PPP4R4: variants seen among roughly 807,000 people sequenced by gnomAD.
PPP4R4 encodes the protein protein phosphatase 4 regulatory subunit 4.
PPP4R4 carries 70 observed loss-of-function variants against 121.8 expected under a neutral mutation model. The observed-to-expected ratio is 0.57, with a 90% CI of 0.47 to 0.70. PPP4R4 has a LOEUF of 0.70. Ranked by LOEUF, PPP4R4 falls within the 30% of genes least tolerant of loss-of-function variation. The pLI is 0.00. For synonymous variants in PPP4R4, 348 were observed against 355.7 expected, an observed-to-expected ratio of 0.98 and a Z score of 0.24; for missense variants, 875 against 1,033.6, an observed-to-expected ratio of 0.85 and a Z score of 2.10.
intron 23 of PPP4R4, among the ~76,000 whole-genome samples, chr14:94,270,102 C>T (rs767738399): frequency 1.3e-5 from 2 of 152,018 alleles, no homozygotes; most frequent in Non-Finnish European, 2.9e-5. Flanking sequence ...CAAAACTGTT[C>T]TGAAAAAGAC....
chr14:94,256,593 A>G lies in PPP4R4; in HGVS notation c.1999A>G (p.Ile667Val), dbSNP rs1483005687. The stretch of plus-strand genomic sequence containing the variant: ...AGAAAAAGATAAAGATGTTCTGGCT[A>G]TTGTAAAAAGAGTAAGTATCACTCT... The part of the protein sequence containing the change: ...CQEKDKDVLA[I>V]VKRTVLELDR... Residue 667 changes from isoleucine to valine, a missense_variant, in exon 17 of 25, where the codon ATT becomes GTT. Physicochemically the swap from Ile to Val is conservative, Grantham distance 29. Coordinates refer to ENST00000304338, the MANE Select transcript of PPP4R4 (RefSeq NM_058237.2). The G allele has an allele frequency of 3.1e-6, 5 of 1,604,476 alleles. No homozygotes were observed. Among genetic ancestry groups the G allele is most frequent in the African/African-American group, 2.7e-5 (2 of 74,734 alleles).
intron 22 of PPP4R4, 122 bp downstream of exon 22, chr14:94,266,009 T>C: frequency 1.5e-6 from 1 of 650,912 alleles, no homozygotes; most frequent in Non-Finnish European, 2.5e-6. Context: ...TAGGCCAGTA[T>C]TTTGTGAGTG....
In PPP4R4 at chr14:94,259,285, C is replaced by T. The variant is rs1171502577; in HGVS notation, c.2053-10C>T. On this transcript the variant is annotated splice_polypyrimidine_tract_variant and intron_variant, in intron 18 of 24. Coordinates refer to ENST00000304338, the MANE Select transcript of PPP4R4 (RefSeq NM_058237.2). ...TAATGTTTCACAATTTCATTTTAAA[C>T]TTTAAACAGTTTCAGAAAAAGTTTT... The T allele has an allele frequency of 6.3e-7, 1 of 1,598,386 alleles. No individual in the cohort carries two copies. Among genetic ancestry groups the T allele is most frequent in the African/African-American group, 1.4e-5 (1 of 74,034 alleles).
At chr14:94,261,830 A>G (rs755698213) in intron 19 of PPP4R4, among the ~76,000 whole-genome samples, 7 of 151,996 alleles carry the variant, frequency 4.6e-5, no homozygotes, top group Admixed American at 2.6e-4. Context: ...TCATTCTGCT[A>G]ATATACTGAA....
intron 19 of PPP4R4, among the ~76,000 whole-genome samples, chr14:94,262,736 A>T (rs1280732706): frequency 6.6e-6 from 1 of 152,048 alleles, no homozygotes; most frequent in Non-Finnish European, 1.5e-5. Flanking sequence ...TAAGATCTAA[A>T]TTTCCCTCTG....
Position 94,249,882 on chromosome 14 carries a change from G to A in PPP4R4, c.1612-290G>A, listed in dbSNP as rs150337079. Among the ~76,000 whole-genome samples the A allele has an allele frequency of 9.8e-3, 1,494 of 152,122 alleles. 12 individuals are homozygous for A. The highest frequency in any genetic ancestry group is 0.027 in the South Asian group (128 of 4,816). On this transcript the variant is annotated intron_variant, in intron 14 of 24. Coordinates refer to ENST00000304338, the MANE Select transcript of PPP4R4 (RefSeq NM_058237.2). ...CCAGGGAACAGCTAAAAGAATAGGT[G>A]GCAGGGGTGTATTTGATCATGTAAG...
chr14:94,263,067 G>A (rs1423504991), intron 19 of PPP4R4, among the ~76,000 whole-genome samples: 1 of 151,836 alleles, frequency 6.6e-6, no homozygotes, highest in African/African-American at 2.4e-5. Context: ...TTTGTTTTTA[G>A]CAGCTTACTT....
chr14:94,215,210 A>G (rs1450509089), intron 3 of PPP4R4, among the ~76,000 whole-genome samples: 1 of 152,196 alleles, frequency 6.6e-6, no homozygotes, highest in Non-Finnish European at 1.5e-5. Flanking sequence ...ATTTATACTC[A>G]TTTTACAGTT....
chr14:94,240,832 A>T, intron 9 of PPP4R4, 37 bp downstream of exon 9: 2 of 1,454,034 alleles, frequency 1.4e-6, no homozygotes, highest in Non-Finnish European at 1.8e-6. Context: ...ACTGTAGATA[A>T]TTTTTCCCTT....
chr14:94,191,952 A>G (rs898339729), intron 2 of PPP4R4, among the ~76,000 whole-genome samples: 1 of 152,104 alleles, frequency 6.6e-6, no homozygotes, highest in Non-Finnish European at 1.5e-5. Flanking sequence ...ACTAGCTCTA[A>G]TCTTTACTAG....
intron 1 of PPP4R4, among the ~76,000 whole-genome samples, chr14:94,175,218 C>T (rs544869209): frequency 6.6e-6 from 1 of 151,796 alleles, no homozygotes; most frequent in Admixed American, 6.5e-5. Context: ...GTAGCCCGGC[C>T]TCCCCTCGCT....
At chr14:94,227,093 C>T (rs1392795975) in intron 3 of PPP4R4, among the ~76,000 whole-genome samples, 1 of 152,202 alleles carries the variant, frequency 6.6e-6, no homozygotes. Context: ...GACGTGTCTA[C>T]TGCACTTTCC....
intron 23 of PPP4R4, among the ~76,000 whole-genome samples, chr14:94,273,113 A>G (rs149308825): frequency 6.6e-6 from 1 of 152,316 alleles, no homozygotes; most frequent in Non-Finnish European, 1.5e-5. Flanking sequence ...TTCTTACCAT[A>G]TGATCTAGCA....
chr14:94,198,896 G>A (rs1481250070), intron 2 of PPP4R4, among the ~76,000 whole-genome samples: 1 of 152,142 alleles, frequency 6.6e-6, no homozygotes, highest in Non-Finnish European at 1.5e-5. Flanking sequence ...AGTATTGCAC[G>A]ACATTGTCTG....
At chr14:94,235,257 A>G (rs1311085881) in intron 7 of PPP4R4, among the ~76,000 whole-genome samples, 1 of 152,100 alleles carries the variant, frequency 6.6e-6, no homozygotes, top group Non-Finnish European at 1.5e-5. Context: ...AATATTTTCT[A>G]TTCATGGTTG....
chr14:94,212,769 T>G (rs761851839), intron 3 of PPP4R4, among the ~76,000 whole-genome samples: 5 of 152,190 alleles, frequency 3.3e-5, no homozygotes, highest in Non-Finnish European at 5.9e-5. Context: ...TGAAAGAATT[T>G]GATTGTCAAG....
intron 15 of PPP4R4, 99 bp downstream of exon 15, chr14:94,250,376 G>T: frequency 1.4e-6 from 1 of 739,750 alleles, no homozygotes; most frequent in Non-Finnish European, 2.3e-6. Context: ...TGAATAATTA[G>T]GTTACTATTG....
chr14:94,201,024 TGTCAC>T (rs1890151409), intron 2 of PPP4R4, among the ~76,000 whole-genome samples: 1 of 152,182 alleles, frequency 6.6e-6, no homozygotes, highest in African/African-American at 2.4e-5. Flanking sequence ...TGGTAAGTTG[TGTCAC>T]TATTATTCAG....
intron 11 of PPP4R4, 92 bp downstream of exon 11, chr14:94,242,500 G>C (rs1892687158): frequency 1.6e-6 from 2 of 1,213,680 alleles, no homozygotes; most frequent in African/African-American, 1.5e-5. Context: ...ATAAGATATA[G>C]ACTGGATATC....
Sources: allele counts gnomAD v4.1 joint callset (sites outside exome capture counted in the v4.1 genomes callset), GRCh38; gene constraint gnomAD v4.1.1; transcripts MANE v1.5; gene names NCBI Gene and HGNC (gene_info 2026-07-23, HGNC 2026-07-21).